Variants in SLC22A15 observed in about 807,000 individuals in gnomAD.
SLC22A15 encodes flipt 1.
In SLC22A15, 45 loss-of-function variants were observed where a neutral mutation model predicts 62.7. The observed-to-expected ratio is 0.72, with a 90% CI of 0.56 to 0.92. The LOEUF is 0.92. Ranked by LOEUF, SLC22A15 falls within the 40% of genes least tolerant of loss-of-function variation. The pLI, the probability that SLC22A15 is intolerant of heterozygous loss-of-function variation, is 0.00. For missense variants in SLC22A15, 622 were observed against 665.6 expected (o/e 0.93, Z 0.72); for synonymous variants, 264 against 267.0 (o/e 0.99, Z 0.11).
At position 116,020,840 on chromosome 1, in the gene SLC22A15, G is replaced by C. The variant is rs753849005; in HGVS notation, c.553G>C (p.Val185Leu). 1 of 1,613,608 alleles carries C rather than the reference G, an allele frequency of 6.2e-7. No homozygotes were observed. The highest frequency in any genetic ancestry group is 1.1e-5 in the South Asian group (1 of 91,040). ...MNGGMSLVAFVLLNECVGTAY... is the reference protein window; with the variant it reads ...MNGGMSLVAFLLLNECVGTAY... ...TGGAGGGATGTCGCTGGTGGCCTTT[G>C]TCTTGCTTAATGAATGTGTGGGCAC... Residue 185 changes from valine to leucine, a missense_variant, in exon 4 of 12, where the codon GTC becomes CTC. Coordinates refer to ENST00000369503, the MANE Select transcript of SLC22A15 (RefSeq NM_018420.3).
chr1:116,036,640 A>T (rs548677784), intron 7 of SLC22A15, among the ~76,000 whole-genome samples: 13 of 152,292 alleles, frequency 8.5e-5, no homozygotes, highest in African/African-American at 2.4e-4. Flanking sequence ...TATCAAAATT[A>T]TTGAGGTTCC....
intron 4 of SLC22A15, among the ~76,000 whole-genome samples, chr1:116,023,642 T>G (rs910484315): frequency 5.9e-5 from 9 of 152,346 alleles, no homozygotes; most frequent in East Asian, 1.9e-4. Flanking sequence ...CTCATGGAAC[T>G]GATGCTTTAC....
chr1:116,009,367 G>T (rs1240355078), intron 2 of SLC22A15, among the ~76,000 whole-genome samples: 2 of 141,972 alleles, frequency 1.4e-5, no homozygotes, highest in African/African-American at 6.3e-5. Context: ...TGCTTTAGAG[G>T]CCTGTCTGGG....
chr1:115,977,180 C>G (rs912034173), intron 1 of SLC22A15, among the ~76,000 whole-genome samples: 1 of 152,202 alleles, frequency 6.6e-6, no homozygotes, highest in Non-Finnish European at 1.5e-5. Context: ...CCTCCCTCTG[C>G]GCCGGGTGTC....
At chr1:116,006,393 C>T (rs1180349605) in intron 2 of SLC22A15, among the ~76,000 whole-genome samples, 1 of 152,042 alleles carries the variant, frequency 6.6e-6, no homozygotes, top group African/African-American at 2.4e-5. Flanking sequence ...TTAAAGGGAA[C>T]CCAGGGAACT....
intron 8 of SLC22A15, among the ~76,000 whole-genome samples, chr1:116,061,286 G>A (rs564123630): frequency 6.6e-6 from 1 of 152,276 alleles, no homozygotes; most frequent in East Asian, 1.9e-4. Flanking sequence ...GGAAAGTAGG[G>A]GCAGTGGAGG....
At chr1:116,017,808 AG>A in intron 2 of SLC22A15, 1 of 163,786 alleles carries the variant, frequency 6.1e-6, no homozygotes, top group Non-Finnish European at 1.3e-5. Context: ...AGGAAGAGGA[AG>A]GATGAGTGGT....
intron 1 of SLC22A15, among the ~76,000 whole-genome samples, chr1:115,989,506 C>CA (rs1330058387): frequency 3.9e-5 from 6 of 152,242 alleles, no homozygotes; most frequent in African/African-American, 1.4e-4. Context: ...GTTGGCCAGG[C>CA]ACAGTGGCTC....
chr1:116,068,157 C>G lies in SLC22A15; in HGVS notation c.*1049C>G, dbSNP rs2101584825. The stretch of plus-strand genomic sequence containing the variant: ...AAGGTTCAGTAATTTCATGGGAAAC[C>G]TTGGTTTTTCATTAAGTGCTACCAA... On this transcript the variant is annotated 3_prime_UTR_variant, in exon 12 of 12. Transcript: ENST00000369503. The G allele has an allele frequency of 6.5e-6, 1 of 152,702 alleles. No homozygotes were observed. Among genetic ancestry groups the G allele is most frequent in the Middle Eastern group, 3.4e-3 (1 of 292 alleles). 9.5% of individuals were successfully genotyped at this position (152,702 alleles called of 1,614,324 possible).
Position 116,037,288 on chromosome 1 carries a change from C to T in SLC22A15, c.1086-15C>T. ...GGTTCTTAAGAGAACTGTGTAATTT[C>T]TTTCTATTGTTTAGGTTTGGTCGGA... On this transcript the variant is annotated splice_polypyrimidine_tract_variant and intron_variant, in intron 7 of 11. Coordinates refer to ENST00000369503, the MANE Select transcript of SLC22A15 (RefSeq NM_018420.3). 2 of 1,605,448 alleles carry T rather than the reference C, an allele frequency of 1.2e-6. No individual in the cohort carries two copies. Among genetic ancestry groups the T allele is most frequent in the Non-Finnish European group, 1.7e-6 (2 of 1,172,528 alleles).
intron 1 of SLC22A15, among the ~76,000 whole-genome samples, chr1:115,989,642 G>T (rs1435983861): frequency 6.6e-6 from 1 of 152,026 alleles, no homozygotes; most frequent in Non-Finnish European, 1.5e-5. Flanking sequence ...TTAGCTGGAT[G>T]CATTGGCAGG....
At chr1:116,044,778 A>T (rs1436376785) in intron 8 of SLC22A15, among the ~76,000 whole-genome samples, 2 of 152,214 alleles carry the variant, frequency 1.3e-5, no homozygotes, top group African/African-American at 4.8e-5. Context: ...ATAATAAAAT[A>T]AAAAATATGA....
intron 8 of SLC22A15, among the ~76,000 whole-genome samples, chr1:116,039,625 A>G (rs1160585238): frequency 2.0e-5 from 3 of 152,046 alleles, no homozygotes; most frequent in Non-Finnish European, 4.4e-5. Flanking sequence ...ATTAATAACC[A>G]TTACTATTAA....
intron 8 of SLC22A15, among the ~76,000 whole-genome samples, chr1:116,053,993 C>T (rs1337546918): frequency 2.0e-5 from 3 of 151,860 alleles, no homozygotes; most frequent in Non-Finnish European, 4.4e-5. Flanking sequence ...GAAACTGAAT[C>T]AACTAATGAG....
intron 2 of SLC22A15, among the ~76,000 whole-genome samples, chr1:116,012,488 C>T (rs1656320470): frequency 6.6e-6 from 1 of 152,098 alleles, no homozygotes; most frequent in South Asian, 2.1e-4. Context: ...AATAACAGCA[C>T]AGGGCTATTC....
At chr1:115,985,871 G>A (rs1467646517) in intron 1 of SLC22A15, among the ~76,000 whole-genome samples, 4 of 150,770 alleles carry the variant, frequency 2.7e-5, no homozygotes, top group South Asian at 2.1e-4. Flanking sequence ...GCTTGAACCC[G>A]GGAGGCAGAG....
At chr1:116,024,536 T>C (rs1180939726) in intron 4 of SLC22A15, among the ~76,000 whole-genome samples, 3 of 152,208 alleles carry the variant, frequency 2.0e-5, no homozygotes, top group Non-Finnish European at 2.9e-5. Context: ...GAAATGTTTA[T>C]TTTTTATTAA....
At chr1:115,990,181 G>A (rs775479134) in intron 1 of SLC22A15, among the ~76,000 whole-genome samples, 4 of 152,218 alleles carry the variant, frequency 2.6e-5, no homozygotes, top group Admixed American at 6.5e-5. Flanking sequence ...TCTGTGTTGC[G>A]TCTTGGAGGA....
At chr1:116,037,250 G>A (rs1657654678) in intron 7 of SLC22A15, 53 bp from the exon 8 acceptor site, 4 of 1,433,024 alleles carry the variant, frequency 2.8e-6, no homozygotes, top group African/African-American at 1.4e-5. Flanking sequence ...GGAAGAAACA[G>A]ATGAATTTAT....
Sources: allele counts gnomAD v4.1 joint callset (sites outside exome capture counted in the v4.1 genomes callset), GRCh38; gene constraint gnomAD v4.1.1; transcripts MANE v1.5; gene names NCBI Gene and HGNC (gene_info 2026-07-23, HGNC 2026-07-21).